SFMBT1: variants seen among roughly 807,000 people sequenced by gnomAD.
SFMBT1 encodes the protein scm-like with four MBT domains protein 1.
A neutral mutation model predicts 108.7 loss-of-function variants in SFMBT1; 32 were observed. The ratio of observed to expected loss-of-function variants is 0.29; its 90% CI spans 0.22 to 0.40. The LOEUF (loss-of-function observed/expected upper bound fraction) is 0.40. SFMBT1 is among the 10% of genes least tolerant of loss of function. SFMBT1 has a pLI of 1.00. For missense variants in SFMBT1, 816 were observed against 1,059.6 expected, an observed-to-expected ratio of 0.77 and a Z score of 3.19; for synonymous variants, 348 against 369.5, an observed-to-expected ratio of 0.94 and a Z score of 0.67.
At chr3:53,045,332 C>CCGGGGGGCGGGTCCGCGGGGGCT (rs1700191398) in intron 1 of SFMBT1, 1 of 143,918 alleles carries the variant, frequency 6.9e-6, no homozygotes, top group Admixed American at 6.9e-5. Context: ...CGGAGCGAGC[C>CCGGGGGGCGGGTCCGCGGGGGCT]CGGGGGGCGG....
At position 52,928,255 on chromosome 3, in the gene SFMBT1, G is replaced by A; in HGVS notation, c.984C>T (p.Asp328=). 1 of 1,614,088 alleles carries A rather than the reference G, an allele frequency of 6.2e-7. No individual in the cohort carries two copies. ...ACTGCACAGGGAAGATGCCAGGACT[G>A]TCGGCGTGGCACACAAAGGATCGCC... The part of the protein sequence containing the change: ...HARRSFVCHA[D]SPGIFPVQWS... The change falls in exon 9 of 21, where the codon GAC becomes GAT. Residue 328 remains aspartate, a synonymous_variant. Transcript: ENST00000394752.
chr3:53,041,698 C>CAAAAAAAAAA (rs59502728), intron 1 of SFMBT1, among the ~76,000 whole-genome samples: 1 of 44,130 alleles, frequency 2.3e-5, no homozygotes, highest in Non-Finnish European at 4.0e-5. Context: ...AAGTCTGTCT[C>CAAAAAAAAAA]AAAAAAAAAA....
intron 8 of SFMBT1, among the ~76,000 whole-genome samples, chr3:52,928,824 C>G (rs1702769234): frequency 6.6e-6 from 1 of 151,534 alleles, no homozygotes; most frequent in Non-Finnish European, 1.5e-5. Flanking sequence ...CCACTTCAGT[C>G]CCTTGAGTAG....
At chr3:52,970,731 A>G (rs1303755413) in intron 1 of SFMBT1, among the ~76,000 whole-genome samples, 2 of 152,204 alleles carry the variant, frequency 1.3e-5, no homozygotes, top group Non-Finnish European at 2.9e-5. Flanking sequence ...CCCCCAGTAA[A>G]TGATTCTCAT....
intron 1 of SFMBT1, among the ~76,000 whole-genome samples, chr3:52,990,973 T>G (rs942063418): frequency 1.3e-5 from 2 of 152,216 alleles, no homozygotes; most frequent in Admixed American, 6.5e-5. Flanking sequence ...GTTTGCTCAT[T>G]TTTTCCCAAA....
At chr3:53,036,228 G>C (rs1699864861) in intron 1 of SFMBT1, among the ~76,000 whole-genome samples, 1 of 152,204 alleles carries the variant, frequency 6.6e-6, no homozygotes, top group African/African-American at 2.4e-5. Context: ...GGAGGAGAGG[G>C]AAGCAGAGAA....
At chr3:52,989,266 T>A (rs9823795) in intron 1 of SFMBT1, among the ~76,000 whole-genome samples, 3,130 of 152,014 alleles carry the variant, frequency 0.021, 120 homozygotes, top group African/African-American at 0.072. Context: ...TAATTTTCAA[T>A]CCTTAATAAT....
At chr3:52,994,496 G>A (rs1374111835) in intron 1 of SFMBT1, among the ~76,000 whole-genome samples, 1 of 150,196 alleles carries the variant, frequency 6.7e-6, no homozygotes, top group Non-Finnish European at 1.5e-5. Context: ...AGAAGTTAGA[G>A]GAACATGTTT....
At chr3:53,024,228 T>C (rs1183161190) in intron 1 of SFMBT1, among the ~76,000 whole-genome samples, 1 of 152,140 alleles carries the variant, frequency 6.6e-6, no homozygotes, top group African/African-American at 2.4e-5. Flanking sequence ...TGCTTCCAAG[T>C]CTGGAGGTGG....
At chr3:52,915,212 T>C (rs903408010) in intron 14 of SFMBT1, among the ~76,000 whole-genome samples, 13 of 152,334 alleles carry the variant, frequency 8.5e-5, no homozygotes, top group African/African-American at 1.9e-4. Flanking sequence ...TGAATGCATA[T>C]GTCAGAGTCT....
chr3:52,966,022 A>AAAC (rs1326924722), intron 2 of SFMBT1, among the ~76,000 whole-genome samples: 78 of 144,434 alleles, frequency 5.4e-4, no homozygotes, highest in African/African-American at 1.9e-3. Flanking sequence ...AAAAAAAAAA[A>AAAC]AAAAATAGGA....
intron 11 of SFMBT1, among the ~76,000 whole-genome samples, chr3:52,921,222 C>G (rs1458794770): frequency 1.3e-5 from 2 of 152,182 alleles, no homozygotes; most frequent in Non-Finnish European, 2.9e-5. Flanking sequence ...GATAAAAAAG[C>G]TGCTCAGGGC....
At chr3:52,952,273 G>C (rs1703622224) in intron 3 of SFMBT1, among the ~76,000 whole-genome samples, 1 of 152,192 alleles carries the variant, frequency 6.6e-6, no homozygotes, top group African/African-American at 2.4e-5. Flanking sequence ...CAGGAGAATG[G>C]CAGGACTCTT....
At position 52,999,795 on chromosome 3, in the gene SFMBT1, G is replaced by GC. The variant is rs1445510322; in HGVS notation, c.-130-30538dup. 1.3e-5 allele frequency among the ~76,000 whole-genome samples: 2 copies of GC among 150,032 alleles called. 1 individual carries two copies. Among genetic ancestry groups the GC allele is most frequent in the Non-Finnish European group, 3.0e-5 (2 of 66,954 alleles). ...GAGTGCCCATTCCTCTCCCTGATGG[G>GC]CCCCCCAAGCTCTACAGACCAAGCA... On this transcript the variant is annotated intron_variant, in intron 1 of 20. Coordinates refer to ENST00000394752, the MANE Select transcript of SFMBT1 (RefSeq NM_016329.4).
chr3:53,028,930 T>G (rs939123432), intron 1 of SFMBT1, among the ~76,000 whole-genome samples: 2 of 151,986 alleles, frequency 1.3e-5, no homozygotes, highest in Non-Finnish European at 2.9e-5. Flanking sequence ...CCCAGCACTT[T>G]GGGAGGCCAA....
At chr3:52,981,004 A>T (rs1258803735) in intron 1 of SFMBT1, among the ~76,000 whole-genome samples, 1 of 152,140 alleles carries the variant, frequency 6.6e-6, no homozygotes. Flanking sequence ...CTCTACTAAA[A>T]ATACAAAATT....
intron 1 of SFMBT1, among the ~76,000 whole-genome samples, chr3:52,987,668 T>C (rs571510211): frequency 1.3e-5 from 2 of 152,348 alleles, no homozygotes; most frequent in South Asian, 2.1e-4. Flanking sequence ...TCTTATACCA[T>C]AGAGTGATGG....
At chr3:52,918,634 A>AGTGT in intron 12 of SFMBT1, 108 bp from the exon 13 acceptor site, 1 of 567,750 alleles carries the variant, frequency 1.8e-6, no homozygotes, top group South Asian at 2.6e-5. Flanking sequence ...GTTCTGTGTG[A>AGTGT]GTGTGTGTGT....
chr3:52,994,365 T>TG (rs1456077056), intron 1 of SFMBT1, among the ~76,000 whole-genome samples: 4 of 149,948 alleles, frequency 2.7e-5, no homozygotes, highest in Non-Finnish European at 4.5e-5. Flanking sequence ...GACACATCAA[T>TG]CACAAGAGAC....
Sources: gnomAD v4.1 joint callset for allele counts (sites outside exome capture counted in the v4.1 genomes callset) on GRCh38, gnomAD v4.1.1 for gene constraint, MANE v1.5 for transcripts, NCBI Gene and HGNC (gene_info 2026-07-23, HGNC 2026-07-21) for gene names.